The following KCNMB4 variants were observed in gnomAD, a reference collection of about 807,000 sequenced individuals.
The protein encoded by KCNMB4 is potassium calcium-activated channel subfamily M regulatory beta subunit 4.
KCNMB4 carries 3 observed loss-of-function variants against 20.7 expected under a neutral mutation model. That is an observed-to-expected ratio of 0.14 (90% confidence interval 0.07 to 0.37). The LOEUF is 0.37. KCNMB4 is among the 10% of genes least tolerant of loss of function. KCNMB4 has a pLI of 1.00. For missense variants in KCNMB4, 168 were observed against 265.9 expected (o/e 0.63, Z 2.56); for synonymous variants, 110 against 113.4 (o/e 0.97, Z 0.19).
At chr12:70,367,488 A>G (rs963210058) in intron 1 of KCNMB4, among the ~76,000 whole-genome samples, 1 of 152,178 alleles carries the variant, frequency 6.6e-6, no homozygotes, top group African/African-American at 2.4e-5. Flanking sequence ...GGTCTCATCT[A>G]GAACTCAGAT....
intron 1 of KCNMB4, among the ~76,000 whole-genome samples, chr12:70,367,813 A>G (rs2136112144): frequency 6.6e-6 from 1 of 152,100 alleles, no homozygotes; most frequent in African/African-American, 2.4e-5. Context: ...AAATGTACCT[A>G]ATATGACTTC....
chr12:70,430,357 A>G (rs1010249442), intron 2 of KCNMB4, 128 bp from the exon 3 acceptor site: 2 of 950,896 alleles, frequency 2.1e-6, no homozygotes, highest in Non-Finnish European at 3.2e-6. Context: ...TACAGTGTTT[A>G]TAGTCAGAGT....
At chr12:70,389,096 A>G (rs1004127428) in intron 1 of KCNMB4, among the ~76,000 whole-genome samples, 2 of 151,854 alleles carry the variant, frequency 1.3e-5, no homozygotes, top group Admixed American at 6.6e-5. Flanking sequence ...ACACCATCCT[A>G]CCCCATTTTC....
At chr12:70,392,795 A>T (rs1360104755) in intron 1 of KCNMB4, among the ~76,000 whole-genome samples, 1 of 152,152 alleles carries the variant, frequency 6.6e-6, no homozygotes, top group Non-Finnish European at 1.5e-5. Flanking sequence ...GAACATAGGG[A>T]CATAGGGAGG....
intron 1 of KCNMB4, among the ~76,000 whole-genome samples, chr12:70,369,845 T>C (rs1184958701): frequency 6.6e-6 from 1 of 152,228 alleles, no homozygotes; most frequent in Non-Finnish European, 1.5e-5. Context: ...ATATCCAGTC[T>C]TGTAATAGAG....
intron 1 of KCNMB4, among the ~76,000 whole-genome samples, chr12:70,398,216 T>C (rs986114652): frequency 3.9e-5 from 6 of 152,150 alleles, no homozygotes; most frequent in African/African-American, 1.4e-4. Flanking sequence ...GGAAAAATAC[T>C]GTGACAGTGT....
chr12:70,377,187 C>T (rs1067540), intron 1 of KCNMB4, among the ~76,000 whole-genome samples: 143,131 of 152,234 alleles, frequency 0.94, 67,396 homozygotes, highest in East Asian at 1. Context: ...AAAATTCACA[C>T]GGAAATGCAA....
At chr12:70,379,480 G>A (rs1883746217) in intron 1 of KCNMB4, among the ~76,000 whole-genome samples, 1 of 152,040 alleles carries the variant, frequency 6.6e-6, no homozygotes, top group Non-Finnish European at 1.5e-5. Context: ...GTGCAGTGGT[G>A]TGATCTCTGC....
intron 2 of KCNMB4, chr12:70,422,780 C>T: frequency 1.6e-6 from 2 of 1,272,340 alleles, no homozygotes; most frequent in Non-Finnish European, 1.0e-6. Context: ...TTAATAGGCC[C>T]CCGATCTCAG....
In KCNMB4 at chr12:70,431,405, T is replaced by C. The variant is rs752808991; in HGVS notation, c.*752T>C. 1.3e-5 allele frequency: 2 copies of C among 152,212 alleles called. No individual in the cohort carries two copies. The highest frequency in any genetic ancestry group is 2.9e-5 in the Non-Finnish European group (2 of 68,044). 9.4% of individuals were successfully genotyped at this position (152,212 alleles called of 1,614,324 possible). A position where few individuals can be genotyped will look rare whatever the true frequency, so the allele number is the denominator to read the frequency against. ...CTCAAAAAGCACTGGGCTTCCTTAT[T>C]CATCTGTTCTTGTTGTTTTTGACGG... On this transcript the variant is annotated 3_prime_UTR_variant, in exon 3 of 3. Transcript: ENST00000258111.
intron 1 of KCNMB4, among the ~76,000 whole-genome samples, chr12:70,372,102 G>A (rs1246766293): frequency 6.6e-6 from 1 of 152,172 alleles, no homozygotes; most frequent in Non-Finnish European, 1.5e-5. Flanking sequence ...GGAGACAAGA[G>A]TGTCCACCAG....
At chr12:70,401,690 G>C (rs1402751292) in intron 2 of KCNMB4, among the ~76,000 whole-genome samples, 1 of 150,524 alleles carries the variant, frequency 6.6e-6, no homozygotes, top group African/African-American at 2.5e-5. Context: ...TTTGTAGTCG[G>C]ATGATGGCTG....
chr12:70,413,295 G>A (rs1005817805), intron 2 of KCNMB4, among the ~76,000 whole-genome samples: 14 of 152,064 alleles, frequency 9.2e-5, no homozygotes, highest in Admixed American at 3.3e-4. Context: ...TTTTATCATC[G>A]TGGCATTAAA....
chr12:70,395,249 C>G (rs944356242), intron 1 of KCNMB4, among the ~76,000 whole-genome samples: 1 of 152,080 alleles, frequency 6.6e-6, no homozygotes, highest in African/African-American at 2.4e-5. Context: ...ACTACCCTCC[C>G]TAACCAAATG....
intron 2 of KCNMB4, among the ~76,000 whole-genome samples, chr12:70,422,179 G>A (rs1242588538): frequency 2.0e-5 from 3 of 152,172 alleles, no homozygotes; most frequent in African/African-American, 7.2e-5. Flanking sequence ...GAATGTAAAT[G>A]TCTTCTTGTC....
At chr12:70,367,177 G>A in intron 1 of KCNMB4, 107 bp downstream of exon 1, 1 of 828,384 alleles carries the variant, frequency 1.2e-6, no homozygotes, top group Admixed American at 3.1e-5. Context: ...GCATTGCTAG[G>A]AGGAGACCAG....
intron 1 of KCNMB4, among the ~76,000 whole-genome samples, chr12:70,381,482 A>T (rs1266324680): frequency 2.6e-5 from 4 of 152,228 alleles, no homozygotes; most frequent in Non-Finnish European, 5.9e-5. Flanking sequence ...CAAACCAAAC[A>T]TCCATCAACT....
chr12:70,383,298 A>T (rs756870780), intron 1 of KCNMB4, among the ~76,000 whole-genome samples: 2 of 152,212 alleles, frequency 1.3e-5, no homozygotes, highest in Non-Finnish European at 2.9e-5. Context: ...AGTAAAGCTA[A>T]GGGGAAAAAA....
In KCNMB4 at chr12:70,431,687, T is replaced by C. The variant is rs974395610; in HGVS notation, c.*1034T>C. 22 of 152,232 alleles carry C rather than the reference T, an allele frequency of 1.4e-4. No individual in the cohort carries two copies. The highest frequency in any genetic ancestry group is 5.3e-4 in the African/African-American group (22 of 41,470). The allele number at this position is 152,232 out of a possible 1,614,324, so 9.4% of individuals were successfully genotyped here. A position where few individuals can be genotyped will look rare whatever the true frequency, so the allele number is the denominator to read the frequency against. ...ACATCATTGCTACTGATGAGCTTTC[T>C]GTGCCTTTATCAAAAGTTGATTGAG... is the stretch of plus-strand genomic sequence containing the variant. On this transcript the variant is annotated 3_prime_UTR_variant, in exon 3 of 3. Coordinates refer to ENST00000258111, the MANE Select transcript of KCNMB4 (RefSeq NM_014505.6).
Sources: gnomAD v4.1 joint callset for allele counts (sites outside exome capture counted in the v4.1 genomes callset) on GRCh38, gnomAD v4.1.1 for gene constraint, MANE v1.5 for transcripts, NCBI Gene and HGNC (gene_info 2026-07-23, HGNC 2026-07-21) for gene names.